The following KRR1 variants were observed in gnomAD, a reference collection of about 807,000 sequenced individuals.
KRR1 encodes KRR1 small subunit processome component homolog.
A neutral mutation model predicts 50.0 loss-of-function variants in KRR1; 23 were observed. The observed-to-expected ratio is 0.46, with a 90% confidence interval of 0.33 to 0.65. The LOEUF (loss-of-function observed/expected upper bound fraction) is 0.65, where lower values mean the gene tolerates loss of function less well. Ranked by LOEUF, KRR1 falls within the 30% of genes least tolerant of loss-of-function variation. The probability of loss-of-function intolerance (pLI) is 0.02; values close to 1 mark genes in which losing one functional copy is unlikely to be tolerated. For missense variants in KRR1, 419 were observed against 442.4 expected, an observed-to-expected ratio of 0.95 and a Z score of 0.47; for synonymous variants, 133 against 146.3, an observed-to-expected ratio of 0.91 and a Z score of 0.66.
At position 75,506,348 on chromosome 12, in the gene KRR1, A is replaced by G. The variant is rs369851209; in HGVS notation, c.571T>C (p.Ser191Pro). ...AAGCCACTAAAAGGTCCAATGGCTG[A>G]AACTGTGTTTCCCTGAACCATAATG... ...CYIMVQGNTV[S>P]AIGPFSGLKE... The change falls in exon 5 of 10, where the codon TCA becomes CCA. Residue 191 changes from serine to proline, a missense_variant. Physicochemically the swap from Ser to Pro is moderately conservative, Grantham distance 74 (BLOSUM62 -1). Coordinates refer to ENST00000229214, the MANE Select transcript of KRR1 (RefSeq NM_007043.7). 6.2e-7 allele frequency: 1 copy of G among 1,611,950 alleles called. No homozygotes were observed. Among genetic ancestry groups the G allele is most frequent in the African/African-American group, 1.3e-5 (1 of 74,840 alleles).
chr12:75,495,997 G>GTTTTTTTTTTTTTTTTTT lies in KRR1; in HGVS notation c.*3811_*3812insAAAAAAAAAAAAAAAAAA. On this transcript the variant is annotated 3_prime_UTR_variant, in exon 10 of 10. Transcript: ENST00000229214. Reference sequence around the variant, plus strand: ...TCCAAACAAACAGAATTCTGTTTTCGTTTTTTTTTTTGTTTTTTTTTTTTG... The same window carrying GTTTTTTTTTTTTTTTTTT: ...TCCAAACAAACAGAATTCTGTTTTCGTTTTTTTTTTTTTTTTTTTTTTTTTTTTTGTTTTTTTTTTTTG... 1 of 132,126 alleles carries GTTTTTTTTTTTTTTTTTT rather than the reference G, an allele frequency of 7.6e-6. No individual in the cohort carries two copies. Among genetic ancestry groups the GTTTTTTTTTTTTTTTTTT allele is most frequent in the Non-Finnish European group, 1.6e-5 (1 of 64,254 alleles). The allele number at this position is 132,126 out of a possible 1,614,324, so 8.2% of individuals were successfully genotyped here. A position where few individuals can be genotyped will look rare whatever the true frequency, so the allele number is the denominator to read the frequency against.
Position 75,498,474 on chromosome 12 carries a change from T to C in KRR1, c.*1335A>G. The C allele has an allele frequency of 2.2e-6, 1 of 453,596 alleles. No homozygotes were observed. The highest frequency in any genetic ancestry group is 3.9e-6 in the Non-Finnish European group (1 of 257,900). The allele number at this position is 453,596 out of a possible 1,614,324, so 28.1% of individuals were successfully genotyped here. On this transcript the variant is annotated 3_prime_UTR_variant, in exon 10 of 10. Coordinates refer to ENST00000229214, the MANE Select transcript of KRR1 (RefSeq NM_007043.7). ...ATTTATAGTAATGGTATAGTTTCCT[T>C]TTTATAAAAGGTTTATAAAGTTTAT...
rs934550592 is a variant in KRR1 at position 75,502,161 on chromosome 12, A to T, written c.832-161T>A. The T allele has an allele frequency of 1.5e-5, 9 of 600,186 alleles. No homozygotes were observed. In the Admixed American group the frequency reaches 2.7e-4, roughly 18 times the overall value. The allele number at this position is 600,186 out of a possible 1,614,324, so 37.2% of individuals were successfully genotyped here. On this transcript the variant is annotated intron_variant, in intron 7 of 9. Transcript: ENST00000229214. Reference sequence around the variant, plus strand: ...GGAAACAGAGTCTAAGCTGAGGGGAATACATACACAAAAGTGTGGAGGTAG... The same window carrying T: ...GGAAACAGAGTCTAAGCTGAGGGGATTACATACACAAAAGTGTGGAGGTAG...
At position 75,497,599 on chromosome 12, in the gene KRR1, T is replaced by A. The variant is rs2046359078; in HGVS notation, c.*2210A>T. On this transcript the variant is annotated 3_prime_UTR_variant, in exon 10 of 10. Coordinates refer to ENST00000229214, the MANE Select transcript of KRR1 (RefSeq NM_007043.7). ...GATTTGTGACTAAAAAACTTAAGAA[T>A]CACCATTTGACCTTTTATAAGGTCT... 1 of 152,210 alleles carries A rather than the reference T, an allele frequency of 6.6e-6. No individual in the cohort carries two copies. Among genetic ancestry groups the A allele is most frequent in the Non-Finnish European group, 1.5e-5 (1 of 68,042 alleles). 9.4% of individuals were successfully genotyped at this position (152,210 alleles called of 1,614,324 possible).
At position 75,498,738 on chromosome 12, in the gene KRR1, A is replaced by C. The variant is rs765695668; in HGVS notation, c.*1071T>G. 4.3e-6 allele frequency: 7 copies of C among 1,611,700 alleles called. No individual in the cohort carries two copies. The highest frequency in any genetic ancestry group is 5.9e-6 in the Non-Finnish European group (7 of 1,177,986). On this transcript the variant is annotated 3_prime_UTR_variant, in exon 10 of 10. Transcript: ENST00000229214. ...AGTCAAACGTACGTACATCAATCTT[A>C]AATTGTTTCATTAAGAGCTATGTGA...
chr12:75,503,796 A>T (rs573629583), intron 7 of KRR1, 108 bp downstream of exon 7: 32 of 950,210 alleles, frequency 3.4e-5, no homozygotes, highest in East Asian at 1.3e-4. Flanking sequence ...ACACACACAC[A>T]ATATATATAT....
In KRR1 at chr12:75,491,771, T is replaced by C. The variant is rs545134538; in HGVS notation, c.*8038A>G. The C allele has an allele frequency of 6.6e-6, 1 of 152,236 alleles. No individual in the cohort carries two copies. The highest frequency in any genetic ancestry group is 2.4e-5 in the African/African-American group (1 of 41,526). The allele number at this position is 152,236 out of a possible 1,614,324, so 9.4% of individuals were successfully genotyped here. On this transcript the variant is annotated 3_prime_UTR_variant, in exon 10 of 10. Coordinates refer to ENST00000229214, the MANE Select transcript of KRR1 (RefSeq NM_007043.7). ...GTGAATCATGTGGGCTGACCATTTT[T>C]CTACTAGATTTTCTTATTTATAAAA...
Position 75,502,000 on chromosome 12 carries a change from T to G in KRR1, c.832A>C (p.Ile278Leu), listed in dbSNP as rs768623012. The G allele has an allele frequency of 1.1e-5, 18 of 1,610,008 alleles. No homozygotes were observed. In the East Asian group the frequency reaches 4.0e-4, roughly 36 times the overall value. The change falls in exon 8 of 10, where the codon ATC (isoleucine) becomes CTC (leucine). Residue 278 changes from isoleucine (I) to leucine (L), a missense_variant and splice_region_variant. Physicochemically the swap from Ile to Leu is conservative, Grantham distance 5. Transcript: ENST00000229214. ...TCACCACTAGCCAATTCTTTATCGA[T>G]CTGTTGAAAACGGTATTTACAATTA... ...PFPPPQPESQ[I>L]DKELASGEYF... is the part of the protein sequence containing the mutation.
At position 75,499,810 on chromosome 12, in the gene KRR1, T is replaced by G. The variant is rs1260836798; in HGVS notation, c.1145A>C (p.Ter382SerextTer17). 6.3e-7 allele frequency: 1 copy of G among 1,598,100 alleles called. No homozygotes were observed. The highest frequency in any genetic ancestry group is 8.5e-7 in the Non-Finnish European group (1 of 1,174,490). ...ADEKKKKKKK[*>S] is the part of the protein sequence containing the mutation. ...TCTAGTCAAGGAGTTTTGGGTATGTTACTTTTTTTTCTTCTTTTTCTTTTC... is the reference window on the plus strand; with the variant it reads ...TCTAGTCAAGGAGTTTTGGGTATGTGACTTTTTTTTCTTCTTTTTCTTTTC... The change falls in exon 10 of 10, where the codon TAA becomes TCA. Residue 382 changes from the stop codon to serine (S), a stop_lost. Coordinates refer to ENST00000229214, the MANE Select transcript of KRR1 (RefSeq NM_007043.7).
chr12:75,508,151 A>G, intron 2 of KRR1, 123 bp downstream of exon 2: 1 of 536,838 alleles, frequency 1.9e-6, no homozygotes, highest in Non-Finnish European at 3.0e-6. Context: ...ATACCAAAGG[A>G]ACCAAAGTAA....
chr12:75,502,006 G>A lies in KRR1; in HGVS notation c.832-6C>T, dbSNP rs545784265. ...CTAGCCAATTCTTTATCGATCTGTT[G>A]AAAACGGTATTTACAATTACATCAG... On this transcript the variant is annotated splice_region_variant and splice_polypyrimidine_tract_variant and intron_variant, in intron 7 of 9. Transcript: ENST00000229214. 3 of 1,603,694 alleles carry A rather than the reference G, an allele frequency of 1.9e-6. No homozygotes were observed. In the South Asian group the frequency reaches 3.3e-5, roughly 18 times the overall value.
At position 75,506,956 on chromosome 12, in the gene KRR1, G is replaced by T. The variant is rs758265325; in HGVS notation, c.259-40C>A. On this transcript the variant is annotated intron_variant, in intron 2 of 9. Transcript: ENST00000229214. The stretch of plus-strand genomic sequence containing the variant: ...AGCAAACAAGCAGTTGTCTAAAAAT[G>T]AGTTTTTTTAGATAATTATAAAGCC... 8 of 1,541,568 alleles carry T rather than the reference G, an allele frequency of 5.2e-6. No homozygotes were observed. The South Asian group carries it at 8.7e-5, about 17-fold the overall frequency.
In KRR1 at chr12:75,495,053, T is replaced by C. The variant is rs542540903; in HGVS notation, c.*4756A>G. On this transcript the variant is annotated 3_prime_UTR_variant, in exon 10 of 10. Transcript: ENST00000229214. ...CTTTAGAAATTCCCCCATACCATTA[T>C]TTATTATTTTTTTGGAAGGCACCAG... 1.3e-5 allele frequency: 2 copies of C among 152,308 alleles called. No homozygotes were observed. Among genetic ancestry groups the C allele is most frequent in the Non-Finnish European group, 2.9e-5 (2 of 68,116 alleles). The allele number at this position is 152,308 out of a possible 1,614,324, so 9.4% of individuals were successfully genotyped here.
chr12:75,507,873 A>G (rs1363875923), intron 2 of KRR1, among the ~76,000 whole-genome samples: 2 of 152,216 alleles, frequency 1.3e-5, no homozygotes, highest in African/African-American at 2.4e-5. Flanking sequence ...AGCAATAAAC[A>G]AGGAAAAGTT....
intron 9 of KRR1, 39 bp downstream of exon 9, chr12:75,501,684 C>A: frequency 1.5e-6 from 2 of 1,323,650 alleles, no homozygotes; most frequent in Non-Finnish European, 2.1e-6. Context: ...GTTTACTTTT[C>A]CTAATTAATA....
intron 5 of KRR1, among the ~76,000 whole-genome samples, chr12:75,505,633 G>T (rs538781513): frequency 5.3e-4 from 81 of 152,072 alleles, no homozygotes; most frequent in Non-Finnish European, 9.7e-4. Flanking sequence ...TCTCTTGTAA[G>T]AATTGTATTC....
Position 75,506,616 on chromosome 12 carries a change from C to CAAAAAAAAAAAAAAAAA in KRR1, c.394-24_394-8dup, listed in dbSNP as rs35071517. On this transcript the variant is annotated splice_polypyrimidine_tract_variant and splice_region_variant and intron_variant, in intron 3 of 9. Transcript: ENST00000229214. ...CCTGAAGAATTCGTACTGCCTTTTGCAAAAAAAAAAAAAAAAAGAAGACAT... is the reference window on the plus strand; with the variant it reads ...CCTGAAGAATTCGTACTGCCTTTTGCAAAAAAAAAAAAAAAAAAAAAAAAAAAAAAAAAAGAAGACAT... 1.5e-5 allele frequency: 21 copies of CAAAAAAAAAAAAAAAAA among 1,372,786 alleles called. 1 individual carries two copies. In the African/African-American group the frequency reaches 2.5e-4, roughly 17 times the overall value. The allele number at this position is 1,372,786 out of a possible 1,614,324, so 85.0% of individuals were successfully genotyped here. A position where few individuals can be genotyped will look rare whatever the true frequency, so the allele number is the denominator to read the frequency against.
At position 75,495,994 on chromosome 12, in the gene KRR1, T is replaced by G. The variant is rs2046348287; in HGVS notation, c.*3815A>C. ...TCATCCAAACAAACAGAATTCTGTT[T>G]TCGTTTTTTTTTTTGTTTTTTTTTT... On this transcript the variant is annotated 3_prime_UTR_variant, in exon 10 of 10. Coordinates refer to ENST00000229214, the MANE Select transcript of KRR1 (RefSeq NM_007043.7). 1 of 164,334 alleles carries G rather than the reference T, an allele frequency of 6.1e-6. No individual in the cohort carries two copies. Among genetic ancestry groups the G allele is most frequent in the Non-Finnish European group, 1.3e-5 (1 of 78,438 alleles). 10.2% of individuals were successfully genotyped at this position (164,334 alleles called of 1,614,324 possible).
At chr12:75,502,038 T>C (rs770606721) in intron 7 of KRR1, 38 bp from the exon 8 acceptor site, 6 of 1,533,002 alleles carry the variant, frequency 3.9e-6, no homozygotes, top group South Asian at 1.1e-5. Flanking sequence ...TCAGAAATAA[T>C]GTAGAGGAGA....
Sources: gnomAD v4.1 joint callset for allele counts (sites outside exome capture counted in the v4.1 genomes callset) on GRCh38, gnomAD v4.1.1 for gene constraint, MANE v1.5 for transcripts, NCBI Gene and HGNC (gene_info 2026-07-23, HGNC 2026-07-21) for gene names.